Variants in FHIP1A observed in about 807,000 individuals in gnomAD.
FHIP1A encodes FHF complex subunit HOOK-interacting protein 1A.
Under a neutral mutation model 88.6 loss-of-function variants are expected in FHIP1A, and 61 were observed. The ratio of observed to expected loss-of-function variants is 0.69; its 90% CI spans 0.56 to 0.85. The LOEUF (loss-of-function observed/expected upper bound fraction) is 0.85. FHIP1A is among the 40% of genes least tolerant of loss of function. The pLI is 0.00. For synonymous variants in FHIP1A, 478 were observed against 496.0 expected, an observed-to-expected ratio of 0.96 and a Z score of 0.48; for missense variants, 1,154 against 1,273.5, an observed-to-expected ratio of 0.91 and a Z score of 1.43.
chr4:151,476,616 T>G (rs1729717351), intron 2 of FHIP1A, among the ~76,000 whole-genome samples: 1 of 152,190 alleles, frequency 6.6e-6, no homozygotes, highest in Admixed American at 6.5e-5. Flanking sequence ...TTTCACTAAT[T>G]GTTAATGGTA....
At chr4:151,470,700 G>A (rs779355104) in intron 2 of FHIP1A, among the ~76,000 whole-genome samples, 5 of 152,132 alleles carry the variant, frequency 3.3e-5, no homozygotes, top group Non-Finnish European at 7.4e-5. Flanking sequence ...ATAAAGAGAA[G>A]AGGGTTCCTG....
intron 8 of FHIP1A, 64 bp from the exon 9 acceptor site, chr4:151,638,613 A>C (rs552827825): frequency 4.2e-6 from 4 of 959,176 alleles, no homozygotes; most frequent in Non-Finnish European, 6.3e-6. Context: ...TTTATTTACT[A>C]TCTGTGGGGA....
chr4:151,486,746 C>T (rs982733399), intron 3 of FHIP1A, among the ~76,000 whole-genome samples: 2 of 151,864 alleles, frequency 1.3e-5, no homozygotes, highest in African/African-American at 4.8e-5. Context: ...GCGGGCGGAT[C>T]GCCTGAGGTC....
At chr4:151,503,189 T>TTTGCTTTGGGA (rs1480601484) in intron 3 of FHIP1A, among the ~76,000 whole-genome samples, 1 of 152,186 alleles carries the variant, frequency 6.6e-6, no homozygotes, top group Non-Finnish European at 1.5e-5. Flanking sequence ...TTATGGATAC[T>TTTGCTTTGGGA]GCTTTGCTTT....
chr4:151,459,022 C>T (rs1729060076), intron 2 of FHIP1A, among the ~76,000 whole-genome samples: 1 of 152,148 alleles, frequency 6.6e-6, no homozygotes, highest in Admixed American at 6.6e-5. Flanking sequence ...AGTTCTCAAA[C>T]CTTCTCTAAG....
chr4:151,556,212 G>A (rs1260073333), intron 3 of FHIP1A, among the ~76,000 whole-genome samples: 2 of 152,122 alleles, frequency 1.3e-5, no homozygotes, highest in African/African-American at 4.8e-5. Flanking sequence ...GGGAGAGCTG[G>A]AAGTTACTGC....
At chr4:151,443,214 C>G (rs1380838654) in intron 1 of FHIP1A, among the ~76,000 whole-genome samples, 1 of 152,172 alleles carries the variant, frequency 6.6e-6, no homozygotes, top group Non-Finnish European at 1.5e-5. Flanking sequence ...AGGACGATCA[C>G]TTGAGCCCAG....
chr4:151,420,733 C>G (rs1349313585), intron 1 of FHIP1A, among the ~76,000 whole-genome samples: 1 of 152,186 alleles, frequency 6.6e-6, no homozygotes, highest in African/African-American at 2.4e-5. Flanking sequence ...CCTAGTGTTG[C>G]TTTTCTTTTG....
chr4:151,669,069 T>C lies in FHIP1A; in HGVS notation c.*6315T>C, dbSNP rs1296804050. 6.6e-6 allele frequency among the ~76,000 whole-genome samples: 1 copy of C among 152,234 alleles called. No homozygotes were observed. Among genetic ancestry groups the C allele is most frequent in the Non-Finnish European group, 1.5e-5 (1 of 68,040 alleles). On this transcript the variant is annotated 3_prime_UTR_variant, in exon 14 of 14. Coordinates refer to ENST00000435205, the MANE Select transcript of FHIP1A (RefSeq NM_001109977.3). Reference sequence around the variant, plus strand: ...CGCACACTCATGCAAGAATGTAAAATTGTATTTCACTGAGGCCCCTTTATA... The same window carrying C: ...CGCACACTCATGCAAGAATGTAAAACTGTATTTCACTGAGGCCCCTTTATA...
chr4:151,439,739 A>G (rs775546900), intron 1 of FHIP1A, among the ~76,000 whole-genome samples: 1 of 152,162 alleles, frequency 6.6e-6, no homozygotes, highest in Non-Finnish European at 1.5e-5. Context: ...TTCCTTTAGA[A>G]TTTTAGAACT....
At chr4:151,479,814 T>A (rs1385347156) in intron 2 of FHIP1A, among the ~76,000 whole-genome samples, 58 of 152,240 alleles carry the variant, frequency 3.8e-4, no homozygotes, top group Admixed American at 1.2e-3. Flanking sequence ...AGCATATTTC[T>A]GAACTTGACA....
intron 7 of FHIP1A, among the ~76,000 whole-genome samples, chr4:151,609,175 A>G (rs1213610949): frequency 1.3e-5 from 2 of 152,244 alleles, no homozygotes; most frequent in African/African-American, 4.8e-5. Flanking sequence ...TGTCATGTAT[A>G]TCACAGAATA....
At chr4:151,562,458 T>A in intron 3 of FHIP1A, among the ~76,000 whole-genome samples, 1 of 152,196 alleles carries the variant, frequency 6.6e-6, no homozygotes, top group East Asian at 1.9e-4. Context: ...ATCTTTTTCT[T>A]GTATCTTCAA....
intron 11 of FHIP1A, among the ~76,000 whole-genome samples, chr4:151,652,447 T>C (rs1737064550): frequency 6.6e-6 from 1 of 152,222 alleles, no homozygotes; most frequent in African/African-American, 2.4e-5. Flanking sequence ...ATGAGTTCAC[T>C]TCCCAGCAAA....
At chr4:151,490,329 C>A (rs748781994) in intron 3 of FHIP1A, among the ~76,000 whole-genome samples, 2 of 152,206 alleles carry the variant, frequency 1.3e-5, no homozygotes, top group Non-Finnish European at 2.9e-5. Flanking sequence ...GATCACATCA[C>A]GGGACTCTTT....
chr4:151,531,800 C>T (rs2126713005), intron 3 of FHIP1A, among the ~76,000 whole-genome samples: 1 of 152,254 alleles, frequency 6.6e-6, no homozygotes, highest in African/African-American at 2.4e-5. Context: ...AATTTATGTG[C>T]AATGCATGCC....
chr4:151,520,294 G>C (rs1475278796), intron 3 of FHIP1A, among the ~76,000 whole-genome samples: 1 of 152,060 alleles, frequency 6.6e-6, no homozygotes, highest in Non-Finnish European at 1.5e-5. Flanking sequence ...AGTTATTCCA[G>C]CTCCATTTGT....
intron 2 of FHIP1A, among the ~76,000 whole-genome samples, chr4:151,477,472 G>A (rs1729748650): frequency 6.6e-6 from 1 of 152,030 alleles, no homozygotes; most frequent in African/African-American, 2.4e-5. Context: ...TTCTAAGTAA[G>A]ATAGAAAACT....
At chr4:151,535,331 A>G (rs548626769) in intron 3 of FHIP1A, among the ~76,000 whole-genome samples, 2 of 152,234 alleles carry the variant, frequency 1.3e-5, no homozygotes, top group African/African-American at 4.8e-5. Context: ...AATGCCAAAT[A>G]TGTCATAAAA....
Sources: allele counts gnomAD v4.1 joint callset (sites outside exome capture counted in the v4.1 genomes callset), GRCh38; gene constraint gnomAD v4.1.1; transcripts MANE v1.5; gene names NCBI Gene and HGNC (gene_info 2026-07-23, HGNC 2026-07-21).